Variants in SORCS1 observed in about 807,000 individuals in gnomAD.
SORCS1 encodes the protein sortilin related VPS10 domain containing receptor 1.
A neutral mutation model predicts 146.1 loss-of-function variants in SORCS1; 60 were observed. The ratio of observed to expected loss-of-function variants is 0.41; its 90% confidence interval spans 0.33 to 0.51. SORCS1 has a LOEUF of 0.51. Ranked by LOEUF, SORCS1 falls within the 20% of genes least tolerant of loss-of-function variation. SORCS1 has a pLI of 0.21. For synonymous variants in SORCS1, 637 were observed against 584.0 expected, an observed-to-expected ratio of 1.09 and a Z score of -1.31; for missense variants, 1,352 against 1,487.6, an observed-to-expected ratio of 0.91 and a Z score of 1.50.
chr10:106,588,553 A>C (rs1413307479), intron 24 of SORCS1, among the ~76,000 whole-genome samples: 2 of 152,082 alleles, frequency 1.3e-5, no homozygotes, highest in Non-Finnish European at 2.9e-5. Context: ...TCATTAGCAG[A>C]AACTTGCTAA....
intron 1 of SORCS1, among the ~76,000 whole-genome samples, chr10:106,984,815 C>G (rs1302009666): frequency 1.4e-5 from 2 of 138,470 alleles, no homozygotes; most frequent in Admixed American, 1.4e-4. Context: ...TGATTTCAAT[C>G]CTGAAACCTC....
intron 5 of SORCS1, among the ~76,000 whole-genome samples, chr10:106,740,640 G>T (rs1387714025): frequency 1.3e-5 from 2 of 152,110 alleles, no homozygotes; most frequent in South Asian, 4.1e-4. Flanking sequence ...AAAACCCATT[G>T]TTCCCCGGTG....
At chr10:106,661,763 T>C (rs1379490363) in intron 17 of SORCS1, among the ~76,000 whole-genome samples, 3 of 152,252 alleles carry the variant, frequency 2.0e-5, no homozygotes, top group Non-Finnish European at 4.4e-5. Flanking sequence ...TTGAACATCC[T>C]TAATTGTTTC....
chr10:107,117,362 G>A (rs1396679759), intron 1 of SORCS1, among the ~76,000 whole-genome samples: 6 of 152,106 alleles, frequency 3.9e-5, no homozygotes, highest in Non-Finnish European at 7.4e-5. Flanking sequence ...CAATGACCCC[G>A]GAAGGCCATT....
chr10:107,055,929 A>C (rs143725993), intron 1 of SORCS1, among the ~76,000 whole-genome samples: 11 of 152,250 alleles, frequency 7.2e-5, no homozygotes, highest in African/African-American at 1.4e-4. Context: ...TACTGAAGTC[A>C]CCTAAGGGGA....
At chr10:106,991,835 T>A (rs922195736) in intron 1 of SORCS1, among the ~76,000 whole-genome samples, 2 of 152,202 alleles carry the variant, frequency 1.3e-5, no homozygotes, top group Admixed American at 6.5e-5. Context: ...TATAAAGTCA[T>A]TTTTGCATTT....
intron 2 of SORCS1, among the ~76,000 whole-genome samples, chr10:106,937,503 T>C (rs1005387931): frequency 6.6e-6 from 1 of 152,006 alleles, no homozygotes; most frequent in Non-Finnish European, 1.5e-5. Flanking sequence ...TAAAGGGCAG[T>C]TCCCTTGCAC....
chr10:106,602,032 C>T (rs1239785740), intron 23 of SORCS1, among the ~76,000 whole-genome samples: 1 of 152,154 alleles, frequency 6.6e-6, no homozygotes, highest in African/African-American at 2.4e-5. Flanking sequence ...GGGGGAAACA[C>T]TATCAGATGA....
intron 1 of SORCS1, among the ~76,000 whole-genome samples, chr10:106,979,694 T>C (rs540495101): frequency 8.5e-5 from 13 of 152,134 alleles, no homozygotes; most frequent in Non-Finnish European, 1.8e-4. Flanking sequence ...ATATGGGCTC[T>C]CCATTCAGTC....
intron 1 of SORCS1, among the ~76,000 whole-genome samples, chr10:107,057,581 C>A (rs1960767847): frequency 6.6e-6 from 1 of 152,140 alleles, no homozygotes; most frequent in Admixed American, 6.5e-5. Context: ...CTTGAGCTGT[C>A]ACTGGGTCTC....
At chr10:106,599,296 A>C (rs987009117) in intron 23 of SORCS1, among the ~76,000 whole-genome samples, 1 of 151,602 alleles carries the variant, frequency 6.6e-6, no homozygotes, top group Admixed American at 6.6e-5. Context: ...TGAACCCAGA[A>C]GGCAGACGTT....
At chr10:106,825,161 T>C (rs1254766040) in intron 3 of SORCS1, among the ~76,000 whole-genome samples, 3 of 151,406 alleles carry the variant, frequency 2.0e-5, no homozygotes, top group Non-Finnish European at 4.4e-5. Flanking sequence ...TAGTTGGGGG[T>C]GATGGGAAAG....
chr10:106,740,621 T>A (rs975469635), intron 5 of SORCS1, among the ~76,000 whole-genome samples: 2 of 152,032 alleles, frequency 1.3e-5, no homozygotes, highest in East Asian at 3.9e-4. Context: ...TTTAGCTCCA[T>A]CAGAAAAAAA....
intron 2 of SORCS1, among the ~76,000 whole-genome samples, chr10:106,870,720 G>A (rs572707525): frequency 1.3e-5 from 2 of 152,120 alleles, no homozygotes; most frequent in Non-Finnish European, 2.9e-5. Context: ...TGAACAACTC[G>A]AAACTATAGA....
At chr10:106,743,519 G>A (rs1312682352) in intron 5 of SORCS1, among the ~76,000 whole-genome samples, 1 of 152,146 alleles carries the variant, frequency 6.6e-6, no homozygotes, top group Non-Finnish European at 1.5e-5. Flanking sequence ...CCGCCTCCCA[G>A]GTTCAAGTGA....
intron 1 of SORCS1, among the ~76,000 whole-genome samples, chr10:107,001,444 A>G (rs1331084838): frequency 1.3e-5 from 2 of 152,084 alleles, no homozygotes; most frequent in African/African-American, 4.8e-5. Flanking sequence ...CTTTTTAGTA[A>G]TCTACTTATA....
intron 3 of SORCS1, among the ~76,000 whole-genome samples, chr10:106,792,703 A>T (rs1946374635): frequency 6.6e-6 from 1 of 152,238 alleles, no homozygotes. Flanking sequence ...TTTGTCTAAA[A>T]CATAAGTGAA....
intron 6 of SORCS1, among the ~76,000 whole-genome samples, chr10:106,715,421 T>C (rs994560829): frequency 1.3e-5 from 2 of 152,224 alleles, no homozygotes; most frequent in Non-Finnish European, 2.9e-5. Context: ...TGTGCTGTTC[T>C]AGAGAAGGGA....
At chr10:106,586,179 C>T (rs1413565258) in intron 24 of SORCS1, among the ~76,000 whole-genome samples, 3 of 152,150 alleles carry the variant, frequency 2.0e-5, no homozygotes, top group African/African-American at 7.2e-5. Context: ...CTTCTATCCC[C>T]ACTCTCAGGG....
Sources: allele counts gnomAD v4.1 joint callset (sites outside exome capture counted in the v4.1 genomes callset), GRCh38; gene constraint gnomAD v4.1.1; transcripts MANE v1.5; gene names NCBI Gene and HGNC (gene_info 2026-07-23, HGNC 2026-07-21).